DYM: variants seen among roughly 807,000 people sequenced by gnomAD.
DYM encodes the protein dyggve-Melchior-Clausen syndrome protein.
In DYM, 78 loss-of-function variants were observed where a neutral mutation model predicts 93.1. The observed-to-expected ratio is 0.84, with a 90% CI of 0.70 to 1.01. The LOEUF (loss-of-function observed/expected upper bound fraction) is 1.01, where lower values mean the gene tolerates loss of function less well. DYM is among the 50% of genes least tolerant of loss of function. The probability of loss-of-function intolerance (pLI) is 0.00; values close to 1 mark genes in which losing one functional copy is unlikely to be tolerated. For missense variants in DYM, 789 were observed against 845.0 expected, an observed-to-expected ratio of 0.93 and a Z score of 0.82; for synonymous variants, 321 against 319.7, an observed-to-expected ratio of 1.00 and a Z score of -0.04.
In DYM at chr18:49,182,178, T is replaced by C. The variant is rs118187040; in HGVS notation, c.1626-18391A>G. Among the ~76,000 whole-genome samples the C allele has an allele frequency of 5.2e-3, 795 of 152,316 alleles. 7 individuals carry two copies. The highest frequency in any genetic ancestry group is 5.8e-3 in the Non-Finnish European group (396 of 68,018). The stretch of plus-strand genomic sequence containing the variant: ...GAAAACAAACTTTCCATGACTTGAA[T>C]CTTATAACCTGAATCTTACTGAGAC... On this transcript the variant is annotated intron_variant, in intron 14 of 17. Coordinates refer to ENST00000675505, the MANE Select transcript of DYM (RefSeq NM_001353214.3).
intron 14 of DYM, among the ~76,000 whole-genome samples, chr18:49,173,733 G>C (rs1404167570): frequency 6.6e-6 from 1 of 152,048 alleles, no homozygotes; most frequent in Non-Finnish European, 1.5e-5. Flanking sequence ...GTTTCTTGTA[G>C]ATTCATTAGG....
intron 6 of DYM, among the ~76,000 whole-genome samples, chr18:49,344,103 GA>G (rs1397035811): frequency 6.6e-6 from 1 of 152,130 alleles, no homozygotes; most frequent in Admixed American, 6.5e-5. Context: ...AAATGGTATT[GA>G]AGATGACTGA....
chr18:49,432,392 A>G (rs1279298617), intron 1 of DYM, among the ~76,000 whole-genome samples: 1 of 151,608 alleles, frequency 6.6e-6, no homozygotes, highest in African/African-American at 2.4e-5. Flanking sequence ...CTAACTTACA[A>G]TAGTATTTTA....
At chr18:49,419,788 T>G (rs1437957482) in intron 2 of DYM, among the ~76,000 whole-genome samples, 1 of 152,240 alleles carries the variant, frequency 6.6e-6, no homozygotes, top group Non-Finnish European at 1.5e-5. Context: ...TCTATTTAGT[T>G]AAGTCTACTT....
chr18:49,354,571 A>G (rs2065381732), intron 6 of DYM, among the ~76,000 whole-genome samples: 1 of 152,072 alleles, frequency 6.6e-6, no homozygotes, highest in Non-Finnish European at 1.5e-5. Context: ...AAAATATACA[A>G]AGAACTCTCA....
chr18:49,054,684 C>T (rs1484436745), intron 17 of DYM, among the ~76,000 whole-genome samples: 14 of 152,120 alleles, frequency 9.2e-5, no homozygotes, highest in African/African-American at 3.1e-4. Context: ...CTAGGAACAC[C>T]ATGGCTGGCG....
intron 2 of DYM, among the ~76,000 whole-genome samples, chr18:49,391,964 T>A (rs146248731): frequency 7.0e-4 from 107 of 152,324 alleles, no homozygotes; most frequent in African/African-American, 2.3e-3. Context: ...GCAAGGGCCC[T>A]GTGTGCCCAA....
chr18:49,237,348 G>T (rs889096688), intron 13 of DYM, among the ~76,000 whole-genome samples: 1 of 152,248 alleles, frequency 6.6e-6, no homozygotes, highest in East Asian at 1.9e-4. Flanking sequence ...TAAATTCAAT[G>T]ATATTTTGAG....
intron 13 of DYM, among the ~76,000 whole-genome samples, chr18:49,229,518 A>G (rs1391360248): frequency 2.0e-5 from 3 of 152,216 alleles, no homozygotes; most frequent in African/African-American, 7.2e-5. Flanking sequence ...GAACACATGA[A>G]AAGATGCTCA....
chr18:49,339,434 C>T (rs866875958), intron 6 of DYM, among the ~76,000 whole-genome samples: 1 of 152,150 alleles, frequency 6.6e-6, no homozygotes, highest in Non-Finnish European at 1.5e-5. Context: ...AACATAACTA[C>T]GATGTGTGTT....
intron 15 of DYM, among the ~76,000 whole-genome samples, chr18:49,135,417 C>A (rs150378949): frequency 2.6e-5 from 4 of 152,272 alleles, no homozygotes; most frequent in African/African-American, 9.6e-5. Context: ...CTACTATTTA[C>A]TGCTTATATG....
chr18:49,161,603 A>G, intron 15 of DYM, among the ~76,000 whole-genome samples: 1 of 152,238 alleles, frequency 6.6e-6, no homozygotes, highest in African/African-American at 2.4e-5. Context: ...TATCACAGGT[A>G]TGGCAAGTGT....
intron 17 of DYM, among the ~76,000 whole-genome samples, chr18:49,064,196 A>T (rs1184085495): frequency 6.6e-6 from 1 of 152,204 alleles, no homozygotes; most frequent in East Asian, 1.9e-4. Flanking sequence ...CATTATACAA[A>T]ATCTAATCAG....
At chr18:49,074,951 CT>C (rs771452128) in intron 17 of DYM, among the ~76,000 whole-genome samples, 1 of 152,092 alleles carries the variant, frequency 6.6e-6, no homozygotes, top group Non-Finnish European at 1.5e-5. Context: ...GTTGAGACTA[CT>C]ATGGAAAAGG....
At chr18:49,119,510 A>G (rs952659349) in intron 15 of DYM, among the ~76,000 whole-genome samples, 29 of 152,246 alleles carry the variant, frequency 1.9e-4, no homozygotes, top group African/African-American at 5.8e-4. Context: ...AGGGCAATGG[A>G]AAGAGCAAGC....
At chr18:49,349,704 C>T (rs2064943915) in intron 6 of DYM, among the ~76,000 whole-genome samples, 1 of 152,084 alleles carries the variant, frequency 6.6e-6, no homozygotes, top group East Asian at 1.9e-4. Context: ...ATCTGTCATC[C>T]CAAAACTTTG....
intron 13 of DYM, among the ~76,000 whole-genome samples, chr18:49,245,239 A>G (rs1320978805): frequency 6.6e-6 from 1 of 152,232 alleles, no homozygotes. Context: ...AAATGTTTGT[A>G]AAACATGTAT....
intron 17 of DYM, among the ~76,000 whole-genome samples, chr18:49,076,530 A>C (rs977768428): frequency 6.6e-5 from 10 of 152,216 alleles, no homozygotes; most frequent in Non-Finnish European, 1.2e-4. Context: ...AAAATGTAAT[A>C]ACAGTATAAA....
At chr18:49,385,586 T>C (rs377023966) in intron 3 of DYM, among the ~76,000 whole-genome samples, 1 of 151,908 alleles carries the variant, frequency 6.6e-6, no homozygotes, top group Non-Finnish European at 1.5e-5. Flanking sequence ...TCCCAGCTAC[T>C]TGGGAGGCTG....
Sources: allele counts gnomAD v4.1 joint callset (sites outside exome capture counted in the v4.1 genomes callset), GRCh38; gene constraint gnomAD v4.1.1; transcripts MANE v1.5; gene names NCBI Gene and HGNC (gene_info 2026-07-23, HGNC 2026-07-21).